DOT1L: variants seen among roughly 807,000 people sequenced by gnomAD.
DOT1L encodes the protein DOT1 like histone lysine methyltransferase.
DOT1L carries 33 observed loss-of-function variants against 153.3 expected under a neutral mutation model. That is an observed-to-expected ratio of 0.22 (90% CI 0.16 to 0.29). DOT1L has a LOEUF of 0.29. Ranked by LOEUF, DOT1L falls within the 10% of genes least tolerant of loss-of-function variation. DOT1L has a pLI of 1.00. For missense variants in DOT1L, 1,847 were observed against 2,119.9 expected (o/e 0.87, Z 2.53); for synonymous variants, 1,135 against 965.1 (o/e 1.18, Z -3.26).
chr19:2,209,060 A>G, intron 12 of DOT1L, 84 bp downstream of exon 12: 2 of 1,492,276 alleles, frequency 1.3e-6, no homozygotes, highest in East Asian at 2.3e-5. Context: ...AGCCGGGTTC[A>G]GGAGCCACGA....
chr19:2,210,099 T>C (rs1186445334), intron 12 of DOT1L, among the ~76,000 whole-genome samples: 2 of 152,162 alleles, frequency 1.3e-5, no homozygotes, highest in Non-Finnish European at 2.9e-5. Flanking sequence ...GTCTCCTGTC[T>C]TGGATGTGGT....
intron 1 of DOT1L, among the ~76,000 whole-genome samples, chr19:2,174,958 A>ATGTGTGTGTGTGTGTG (rs71337121): frequency 1.4e-4 from 18 of 129,990 alleles, no homozygotes; most frequent in Non-Finnish European, 2.4e-4. Context: ...TTTTAAATAT[A>ATGTGTGTGTGTGTGTG]TGTGTGTGTG....
rs1285925542 is a variant in DOT1L, at chr19:2,216,364, G to T, written c.2007G>T (p.Leu669=). The change falls in exon 20 of 28, where the codon CTG becomes CTT. Residue 669 remains leucine, a synonymous_variant. Coordinates refer to ENST00000398665, the MANE Select transcript of DOT1L (RefSeq NM_032482.3). ...CCTGTGTGCCGCCTGACGACGCCCTGTCCCTGCACCTGCGTGGGAAGGGCG... is the reference window on the plus strand; with the variant it reads ...CCTGTGTGCCGCCTGACGACGCCCTTTCCCTGCACCTGCGTGGGAAGGGCG... The part of the protein sequence containing the change: ...LKSCVPPDDA[L]SLHLRGKGAL... 6.2e-7 allele frequency: 1 copy of T among 1,612,120 alleles called. No individual in the cohort carries two copies. Among genetic ancestry groups the T allele is most frequent in the South Asian group, 1.1e-5 (1 of 91,008 alleles).
chr19:2,215,249 G>C (rs190509461), intron 19 of DOT1L, among the ~76,000 whole-genome samples: 329 of 152,334 alleles, frequency 2.2e-3, no homozygotes, highest in Non-Finnish European at 3.7e-3. Flanking sequence ...CTGGGTGACA[G>C]AGCCAGGCCC....
chr19:2,225,140 C>A (rs549760089), intron 25 of DOT1L, among the ~76,000 whole-genome samples: 1 of 152,318 alleles, frequency 6.6e-6, no homozygotes, highest in Non-Finnish European at 1.5e-5. Context: ...GATCTCTTGG[C>A]TGCTTGTCCC....
In DOT1L at chr19:2,232,144, G is replaced by GTGCTGC. The variant is rs569920372; in HGVS notation, c.*2361_*2366dup. 4.5e-5 allele frequency: 10 copies of GTGCTGC among 223,344 alleles called. No individual in the cohort carries two copies. In the South Asian group the frequency reaches 5.4e-4, roughly 12 times the overall value. The allele number at this position is 223,344 out of a possible 1,614,324, so 13.8% of individuals were successfully genotyped here. A position where few individuals can be genotyped will look rare whatever the true frequency, so the allele number is the denominator to read the frequency against. On this transcript the variant is annotated 3_prime_UTR_variant, in exon 28 of 28. Transcript: ENST00000398665. ...TTCCGTGGGCAGCTGGCGGGGACCT[G>GTGCTGC]TGCTGCTGCTGCTGACTGTGGGTGG... is the stretch of plus-strand genomic sequence containing the variant.
Position 2,211,141 on chromosome 19 carries a change from C to T in DOT1L, c.1394C>T (p.Pro465Leu), listed in dbSNP as rs778851336. 1.4e-5 allele frequency: 23 copies of T among 1,613,060 alleles called. No homozygotes were observed. Among genetic ancestry groups the T allele is most frequent in the East Asian group, 6.7e-5 (3 of 44,874 alleles). ...CACAGCCCGTTCTACCAGCTACCTC[C>T]GAGCGTGCAGCGGCACTCCCCCAAC... The part of the protein sequence containing the change: ...SPHSPFYQLP[P>L]SVQRHSPNPL... Residue 465 changes from proline to leucine, a missense_variant, in exon 15 of 28, where the codon CCG becomes CTG. Transcript: ENST00000398665.
At chr19:2,202,855 G>A in intron 9 of DOT1L, 76 bp downstream of exon 9, 3 of 1,495,476 alleles carry the variant, frequency 2.0e-6, no homozygotes, top group Non-Finnish European at 1.9e-6. Context: ...CCCGCAGGGT[G>A]TCCTGCAGAA....
At position 2,197,228 on chromosome 19, in the gene DOT1L, C is replaced by G. The variant is rs1206264561; in HGVS notation, c.651+2651C>G. On this transcript the variant is annotated intron_variant, in intron 7 of 27. Transcript: ENST00000398665. This position sits in a 1 kb window ranked among gnomAD's most constrained non-coding sequence, Gnocchi z 4.1. ...AGGGCTGTGGGCCCGGCTCTCCTTC[C>G]CTTTCTCATGGTGATTGTTCCCAAA... 1.3e-5 allele frequency among the ~76,000 whole-genome samples: 2 copies of G among 152,206 alleles called. No homozygotes were observed. The highest frequency in any genetic ancestry group is 2.9e-5 in the Non-Finnish European group (2 of 68,036).
Position 2,211,081 on chromosome 19 carries a change from T to C in DOT1L, c.1352-18T>C, listed in dbSNP as rs1296348897. ...TCCCGACCCGCCCTGTGCTGACGCC[T>C]GCCCTCCGCTCTCCCAGATGCCTAC... On this transcript the variant is annotated intron_variant, in intron 14 of 27. Transcript: ENST00000398665. The C allele has an allele frequency of 6.2e-6, 10 of 1,608,104 alleles. No homozygotes were observed. Among genetic ancestry groups the C allele is most frequent in the Non-Finnish European group, 8.5e-6 (10 of 1,176,152 alleles).
At position 2,190,259 on chromosome 19, in the gene DOT1L, G is replaced by A. The variant is rs541158917; in HGVS notation, c.264+464G>A. 1.3e-4 allele frequency among the ~76,000 whole-genome samples: 20 copies of A among 152,274 alleles called. No individual in the cohort carries two copies. The East Asian group carries it at 2.1e-3, about 16-fold the overall frequency. On this transcript the variant is annotated intron_variant, in intron 4 of 27. Transcript: ENST00000398665. This position sits in a 1 kb window ranked among gnomAD's most constrained non-coding sequence, Gnocchi z 4.8. ...TCGTGAGGCTTTCCTCACAGAGGAC[G>A]GGGCACACAGTGAGCTGGGGTGTAG...
intron 8 of DOT1L, among the ~76,000 whole-genome samples, chr19:2,202,106 A>G (rs2023310765): frequency 6.6e-6 from 1 of 152,136 alleles, no homozygotes; most frequent in Non-Finnish European, 1.5e-5. Flanking sequence ...TAGCCTCCCT[A>G]AGTGCGGTCC....
chr19:2,219,928 C>T (rs1341097281), intron 22 of DOT1L, among the ~76,000 whole-genome samples, 180 bp from the exon 23 acceptor site: 7 of 152,158 alleles, frequency 4.6e-5, no homozygotes, highest in South Asian at 4.1e-4. Flanking sequence ...ACTCTCGCTG[C>T]GCCACTCGCC....
intron 2 of DOT1L, among the ~76,000 whole-genome samples, chr19:2,184,958 G>A (rs896240822): frequency 5.3e-5 from 8 of 152,124 alleles, no homozygotes; most frequent in Non-Finnish European, 1.2e-4. Context: ...AGCCCTTTGC[G>A]TCTCTATGGT....
chr19:2,227,669 GGCT>G (rs1157871235), intron 27 of DOT1L: 5 of 1,274,100 alleles, frequency 3.9e-6, no homozygotes, highest in Non-Finnish European at 5.1e-6. Flanking sequence ...GTGAGCCTGC[GGCT>G]GCTGCTCTGC....
At chr19:2,224,557 C>G (rs766448390) in intron 25 of DOT1L, among the ~76,000 whole-genome samples, 13 of 151,438 alleles carry the variant, frequency 8.6e-5, no homozygotes, top group Admixed American at 2.0e-4. Flanking sequence ...CCCTCCGCCT[C>G]CTGGGTTCAA....
intron 1 of DOT1L, among the ~76,000 whole-genome samples, chr19:2,177,750 T>G (rs1395627261): frequency 1.3e-5 from 2 of 150,572 alleles, no homozygotes; most frequent in East Asian, 3.9e-4. Flanking sequence ...GGCTCTTGCC[T>G]CCTCCTATTT....
At position 2,231,977 on chromosome 19, in the gene DOT1L, T is replaced by C. The variant is rs1475835879; in HGVS notation, c.*2185T>C. 4.8e-6 allele frequency: 1 copy of C among 210,128 alleles called. No individual in the cohort carries two copies. The highest frequency in any genetic ancestry group is 9.7e-6 in the Non-Finnish European group (1 of 103,496). 13.0% of individuals were successfully genotyped at this position (210,128 alleles called of 1,614,324 possible). A position where few individuals can be genotyped will look rare whatever the true frequency, so the allele number is the denominator to read the frequency against. ...ACCACACGTGAACTAGTGTGGTGGC[T>C]GCCTGCGGACACCCTCCTGTTCTGA... On this transcript the variant is annotated 3_prime_UTR_variant, in exon 28 of 28. Coordinates refer to ENST00000398665, the MANE Select transcript of DOT1L (RefSeq NM_032482.3).
intron 23 of DOT1L, 121 bp from the exon 24 acceptor site, chr19:2,221,855 C>G (rs1378367888): frequency 2.8e-6 from 3 of 1,068,914 alleles, no homozygotes; most frequent in Non-Finnish European, 3.9e-6. Flanking sequence ...ACTCCCAACC[C>G]CTTCCCCACT....
Sources: gnomAD v4.1 joint callset for allele counts (sites outside exome capture counted in the v4.1 genomes callset) on GRCh38, gnomAD v4.1.1 for gene constraint, Gnocchi (gnomAD v3.1) non-coding constraint, MANE v1.5 for transcripts, NCBI Gene and HGNC (gene_info 2026-07-23, HGNC 2026-07-21) for gene names.